Variants in SLCO3A1 observed in about 807,000 individuals in gnomAD.
SLCO3A1 encodes solute carrier organic anion transporter family member 3A1, also known as PGE1 transporter.
In SLCO3A1, 27 loss-of-function variants were observed where a neutral mutation model predicts 63.1. The ratio of observed to expected loss-of-function variants is 0.43; its 90% CI spans 0.32 to 0.59. The LOEUF (loss-of-function observed/expected upper bound fraction) is 0.59. Among genes scored for constraint, SLCO3A1 ranks in the 20% least tolerant of loss-of-function variants. SLCO3A1 has a pLI of 0.09. For synonymous variants in SLCO3A1, 473 were observed against 409.9 expected (o/e 1.15, Z -1.86); for missense variants, 773 against 945.8 (o/e 0.82, Z 2.40).
chr15:92,116,175 T>A (rs559234827), intron 4 of SLCO3A1, among the ~76,000 whole-genome samples: 1 of 152,174 alleles, frequency 6.6e-6, no homozygotes, highest in African/African-American at 2.4e-5. Context: ...CTGTGAGCAT[T>A]GTGGGAGCAG....
intron 2 of SLCO3A1, among the ~76,000 whole-genome samples, chr15:92,080,946 G>A (rs4984330): frequency 0.076 from 6,077 of 80,406 alleles, 402 homozygotes; most frequent in East Asian, 0.27. Context: ...AGCTGTGTGT[G>A]TGTGTGTGTG....
chr15:91,938,982 G>A (rs1597139056), intron 2 of SLCO3A1, among the ~76,000 whole-genome samples: 1 of 152,154 alleles, frequency 6.6e-6, no homozygotes, highest in African/African-American at 2.4e-5. Flanking sequence ...GGGCTCATCT[G>A]GGCCTGTCCC....
chr15:91,878,692 G>T (rs550917247), intron 1 of SLCO3A1, among the ~76,000 whole-genome samples: 9 of 152,068 alleles, frequency 5.9e-5, no homozygotes, highest in Non-Finnish European at 1.2e-4. Flanking sequence ...TCTCTTAGCC[G>T]TCTTTCTCAC....
Position 92,058,130 on chromosome 15 carries a change from C to T in SLCO3A1, c.647-36751C>T, listed in dbSNP as rs1199429437. Among the ~76,000 whole-genome samples the T allele has an allele frequency of 2.6e-5, 4 of 152,192 alleles. No individual in the cohort carries two copies. In the South Asian group the frequency reaches 8.3e-4, roughly 32 times the overall value. ...GATTAAATGCAGCCATCTTCTAATGCTGCGCTAGGTTCCTGTATAAGCGTG... is the reference window on the plus strand; with the variant it reads ...GATTAAATGCAGCCATCTTCTAATGTTGCGCTAGGTTCCTGTATAAGCGTG... On this transcript the variant is annotated intron_variant, in intron 2 of 9. Transcript: ENST00000318445.
In SLCO3A1 at chr15:91,916,418, C is replaced by G; in HGVS notation, c.606C>G (p.Ile202Met). Residue 202 changes from isoleucine (I) to methionine (M), a missense_variant, in exon 2 of 10, where the codon ATC becomes ATG. Ile to Met is a conservative substitution (Grantham distance 10). Coordinates refer to ENST00000318445, the MANE Select transcript of SLCO3A1 (RefSeq NM_013272.4). The surrounding 1 kb of genome is among the most constrained non-coding windows in gnomAD (Gnocchi z 6.2). ...TGCAGCCCCTGGGCGTCTCCTACATCGACGACCACGTGCGGAGGAAGGACT... is the reference window on the plus strand; with the variant it reads ...TGCAGCCCCTGGGCGTCTCCTACATGGACGACCACGTGCGGAGGAAGGACT... ...TPVQPLGVSY[I>M]DDHVRRKDSS... 6.2e-7 allele frequency: 1 copy of G among 1,612,570 alleles called. No individual in the cohort carries two copies. Among genetic ancestry groups the G allele is most frequent in the Non-Finnish European group, 8.5e-7 (1 of 1,179,630 alleles).
rs76415602 is a variant in SLCO3A1 at position 92,104,260 on chromosome 15, G to C, written c.746-19G>C. 1.2e-6 allele frequency: 2 copies of C among 1,613,564 alleles called. No homozygotes were observed. The highest frequency in any genetic ancestry group is 3.3e-5 in the Admixed American group (2 of 60,022). Reference sequence around the variant, plus strand: ...CCAGCCTTCTTTTCTCCACTAAGCTGTGCTCTTTCCATTTACAGGTAACCT... The same window carrying C: ...CCAGCCTTCTTTTCTCCACTAAGCTCTGCTCTTTCCATTTACAGGTAACCT... On this transcript the variant is annotated intron_variant, in intron 3 of 9. Coordinates refer to ENST00000318445, the MANE Select transcript of SLCO3A1 (RefSeq NM_013272.4).
At chr15:92,137,023 G>T (rs1308441404) in intron 7 of SLCO3A1, among the ~76,000 whole-genome samples, 13 of 143,174 alleles carry the variant, frequency 9.1e-5, no homozygotes, top group Non-Finnish European at 1.4e-4. Flanking sequence ...TGCACATTAT[G>T]CAGGTTAGTT....
At chr15:92,127,053 C>A (rs928727561) in intron 6 of SLCO3A1, among the ~76,000 whole-genome samples, 9 of 152,194 alleles carry the variant, frequency 5.9e-5, no homozygotes, top group African/African-American at 2.2e-4. Flanking sequence ...TCTCTGCCAC[C>A]CACAAGGGTG....
intron 2 of SLCO3A1, among the ~76,000 whole-genome samples, chr15:91,999,520 A>G (rs1339358384): frequency 6.6e-6 from 1 of 152,226 alleles, no homozygotes; most frequent in East Asian, 1.9e-4. Context: ...GTAGTCAAGA[A>G]AGTGCAATTA....
At chr15:92,113,551 A>G (rs947969280) in intron 4 of SLCO3A1, among the ~76,000 whole-genome samples, 1 of 152,316 alleles carries the variant, frequency 6.6e-6, no homozygotes, top group Middle Eastern at 3.4e-3. Context: ...AAGGAAACCC[A>G]GTAGCTGCTT....
chr15:91,854,994 T>G lies in SLCO3A1; in HGVS notation c.180+906T>G, dbSNP rs150462976. On this transcript the variant is annotated intron_variant, in intron 1 of 9. Coordinates refer to ENST00000318445, the MANE Select transcript of SLCO3A1 (RefSeq NM_013272.4). This position sits in a 1 kb window ranked among gnomAD's most constrained non-coding sequence, Gnocchi z 6.4. ...GCAACTTGAGTTCCAGAGAGCGTGC[T>G]TCCACACCTAAGTACAGTCCTGTCT... Among the ~76,000 whole-genome samples the G allele has an allele frequency of 2.6e-5, 4 of 152,334 alleles. No individual in the cohort carries two copies. The East Asian group carries it at 7.7e-4, about 29-fold the overall frequency.
rs527986579 is a variant in SLCO3A1, at chr15:91,974,245, C to T, written c.646+57787C>T. On this transcript the variant is annotated intron_variant, in intron 2 of 9. Transcript: ENST00000318445. ...TCATAGGAGGTCAGCCTGACCTAAACGGACACCATTTTCATTATTGTTATT... is the reference window on the plus strand; with the variant it reads ...TCATAGGAGGTCAGCCTGACCTAAATGGACACCATTTTCATTATTGTTATT... 3.6e-5 allele frequency among the ~76,000 whole-genome samples: 4 copies of T among 111,698 alleles called. No homozygotes were observed. In the South Asian group the frequency reaches 9.7e-4, roughly 27 times the overall value. 73.3% of individuals were successfully genotyped at this position (111,698 alleles called of 152,430 possible).
intron 8 of SLCO3A1, 57 bp downstream of exon 8, chr15:92,147,216 G>A (rs2048238635): frequency 6.6e-7 from 1 of 1,523,856 alleles, no homozygotes. Flanking sequence ...TCATCTGCAG[G>A]CCTCCTAGGG....
chr15:91,898,532 A>G (rs1323383646), intron 1 of SLCO3A1, among the ~76,000 whole-genome samples: 1 of 151,996 alleles, frequency 6.6e-6, no homozygotes, highest in African/African-American at 2.4e-5. Flanking sequence ...AGAAGGCTGC[A>G]CTCCCTTCCT....
chr15:92,090,107 C>T (rs1438655720), intron 2 of SLCO3A1, among the ~76,000 whole-genome samples: 1 of 152,144 alleles, frequency 6.6e-6, no homozygotes, highest in Non-Finnish European at 1.5e-5. Context: ...TGCACAGTTT[C>T]TGAAACCTTG....
At chr15:91,868,462 TA>T (rs71465715) in intron 1 of SLCO3A1, among the ~76,000 whole-genome samples, 35,664 of 147,546 alleles carry the variant, frequency 0.24, 4,351 homozygotes, top group Middle Eastern at 0.35. Flanking sequence ...ATAGATAACA[TA>T]AAAAAAAATC....
chr15:92,164,932 T>C lies in SLCO3A1; in HGVS notation c.*1797T>C, dbSNP rs2048480719. ...ATGCTGCTTCAGTGACCTTTGTTCATGTCACATTCCTGGCGCTGGAAAAAA... is the reference window on the plus strand; with the variant it reads ...ATGCTGCTTCAGTGACCTTTGTTCACGTCACATTCCTGGCGCTGGAAAAAA... On this transcript the variant is annotated 3_prime_UTR_variant, in exon 10 of 10. Coordinates refer to ENST00000318445, the MANE Select transcript of SLCO3A1 (RefSeq NM_013272.4). 4 of 984,856 alleles carry C rather than the reference T, an allele frequency of 4.1e-6. No individual in the cohort carries two copies. Among genetic ancestry groups the C allele is most frequent in the Non-Finnish European group, 4.8e-6 (4 of 829,878 alleles). The allele number at this position is 984,856 out of a possible 1,614,324, so 61.0% of individuals were successfully genotyped here.
At chr15:92,002,496 T>G (rs898133038) in intron 2 of SLCO3A1, among the ~76,000 whole-genome samples, 4 of 152,236 alleles carry the variant, frequency 2.6e-5, no homozygotes, top group African/African-American at 9.6e-5. Context: ...TTAGTGCTTT[T>G]TCTCTTCTGT....
chr15:91,911,134 T>C (rs1898472438), intron 1 of SLCO3A1, among the ~76,000 whole-genome samples: 1 of 152,214 alleles, frequency 6.6e-6, no homozygotes, highest in Non-Finnish European at 1.5e-5. Flanking sequence ...ATAGTTTCAG[T>C]TGGCCTTAGT....
Sources: gnomAD v4.1 joint callset for allele counts (sites outside exome capture counted in the v4.1 genomes callset) on GRCh38, gnomAD v4.1.1 for gene constraint, Gnocchi (gnomAD v3.1) non-coding constraint, MANE v1.5 for transcripts, NCBI Gene and HGNC (gene_info 2026-07-23, HGNC 2026-07-21) for gene names.